Variants in GAP43 observed in about 807,000 individuals in gnomAD.
The protein encoded by GAP43 is neuromodulin.
GAP43 carries 6 observed loss-of-function variants against 18.6 expected under a neutral mutation model. That is an observed-to-expected ratio of 0.32 (90% confidence interval 0.18 to 0.64). The LOEUF is 0.64. Among genes scored for constraint, GAP43 ranks in the 30% least tolerant of loss-of-function variants. The pLI is 0.78. For missense variants in GAP43, 292 were observed against 295.5 expected, an observed-to-expected ratio of 0.99 and a Z score of 0.09; for synonymous variants, 115 against 111.4, an observed-to-expected ratio of 1.03 and a Z score of -0.20.
At chr3:115,680,053 T>TTCCC (rs1708941991) in intron 2 of GAP43, among the ~76,000 whole-genome samples, 2 of 152,178 alleles carry the variant, frequency 1.3e-5, no homozygotes, top group Admixed American at 6.5e-5. Context: ...CCTTCCTTCC[T>TTCCC]CCCTCCTTCC....
At chr3:115,647,761 A>AAC (rs1553720737) in intron 1 of GAP43, among the ~76,000 whole-genome samples, 70 of 145,246 alleles carry the variant, frequency 4.8e-4, no homozygotes, top group Non-Finnish European at 8.0e-4. Flanking sequence ...AAAAAAACAA[A>AAC]AAAAAAAAAC....
At chr3:115,673,795 A>T (rs1708842915) in intron 1 of GAP43, among the ~76,000 whole-genome samples, 1 of 152,194 alleles carries the variant, frequency 6.6e-6, no homozygotes, top group South Asian at 2.1e-4. Context: ...TGGAGGAGGG[A>T]GAAGGATGGG....
chr3:115,661,831 C>CTCTTTTTTTT (rs1708663645), intron 1 of GAP43, among the ~76,000 whole-genome samples: 1 of 105,970 alleles, frequency 9.4e-6, no homozygotes, highest in Non-Finnish European at 1.7e-5. Context: ...GAAACTAGGG[C>CTCTTTTTTTT]TTTTTTTTTT....
At chr3:115,678,142 T>G (rs961454875) in intron 2 of GAP43, among the ~76,000 whole-genome samples, 1 of 152,184 alleles carries the variant, frequency 6.6e-6, no homozygotes, top group Non-Finnish European at 1.5e-5. Flanking sequence ...GGGTTTTAAT[T>G]TACTCAGCAA....
At chr3:115,637,050 C>G (rs950221601) in intron 1 of GAP43, among the ~76,000 whole-genome samples, 1 of 152,064 alleles carries the variant, frequency 6.6e-6, no homozygotes, top group Non-Finnish European at 1.5e-5. Context: ...GGGCCTAGCT[C>G]AATCTTGCCT....
intron 2 of GAP43, among the ~76,000 whole-genome samples, chr3:115,688,746 G>A (rs1709066085): frequency 6.6e-6 from 1 of 152,170 alleles, no homozygotes; most frequent in Non-Finnish European, 1.5e-5. Context: ...AAAAGGGATA[G>A]GTCCCATAAT....
At chr3:115,703,512 AG>A (rs1709323186) in intron 2 of GAP43, among the ~76,000 whole-genome samples, 1 of 152,124 alleles carries the variant, frequency 6.6e-6, no homozygotes, top group Non-Finnish European at 1.5e-5. Flanking sequence ...GGGGTATCAT[AG>A]GGGATTCCTG....
intron 1 of GAP43, among the ~76,000 whole-genome samples, chr3:115,628,010 A>T (rs1708212281): frequency 6.6e-6 from 1 of 152,156 alleles, no homozygotes; most frequent in African/African-American, 2.4e-5. Context: ...ACAAATGAAC[A>T]CTTTGCTTAC....
At chr3:115,660,333 C>T (rs189315108) in intron 1 of GAP43, among the ~76,000 whole-genome samples, 1 of 152,274 alleles carries the variant, frequency 6.6e-6, no homozygotes. Flanking sequence ...ATTCCAGATA[C>T]TAGAATAAGA....
chr3:115,683,084 C>T (rs1346612919), intron 2 of GAP43, among the ~76,000 whole-genome samples: 1 of 151,750 alleles, frequency 6.6e-6, no homozygotes, highest in South Asian at 2.1e-4. Flanking sequence ...GATATTAACA[C>T]ACATTCATAA....
At chr3:115,692,684 G>A (rs555378973) in intron 2 of GAP43, among the ~76,000 whole-genome samples, 7 of 152,182 alleles carry the variant, frequency 4.6e-5, no homozygotes, top group Non-Finnish European at 7.3e-5. Flanking sequence ...GGACCTTGAA[G>A]TGGTCGGAAG....
At chr3:115,656,976 G>A (rs956958037) in intron 1 of GAP43, among the ~76,000 whole-genome samples, 6 of 152,248 alleles carry the variant, frequency 3.9e-5, no homozygotes, top group South Asian at 2.1e-4. Flanking sequence ...ACGTACTTGC[G>A]TATAATTTCC....
intron 1 of GAP43, among the ~76,000 whole-genome samples, chr3:115,625,451 T>C (rs1299916866): frequency 1.3e-5 from 2 of 152,100 alleles, no homozygotes; most frequent in African/African-American, 4.8e-5. Flanking sequence ...TTAAGAACAC[T>C]GTCAAAGAAA....
At chr3:115,698,835 G>T (rs1709258101) in intron 2 of GAP43, among the ~76,000 whole-genome samples, 1 of 152,066 alleles carries the variant, frequency 6.6e-6, no homozygotes, top group Admixed American at 6.6e-5. Flanking sequence ...ATAATGACTT[G>T]GCCCTAAACT....
chr3:115,623,779 C>T (rs1433100785), intron 1 of GAP43, 60 bp downstream of exon 1: 19 of 1,594,130 alleles, frequency 1.2e-5, no homozygotes, highest in Non-Finnish European at 1.5e-5. Context: ...CAGTATTTCC[C>T]CGTAAAGGCA....
chr3:115,631,318 T>C (rs1708258036), intron 1 of GAP43, among the ~76,000 whole-genome samples: 1 of 152,190 alleles, frequency 6.6e-6, no homozygotes, highest in Non-Finnish European at 1.5e-5. Context: ...GTTGGGTAAG[T>C]AATTTAACCT....
At chr3:115,697,188 AC>A in intron 2 of GAP43, among the ~76,000 whole-genome samples, 1 of 75,328 alleles carries the variant, frequency 1.3e-5, no homozygotes, top group Non-Finnish European at 2.5e-5. Flanking sequence ...ATTATACATT[AC>A]ATTTATTTAT....
intron 2 of GAP43, among the ~76,000 whole-genome samples, chr3:115,695,551 T>C (rs1194991046): frequency 6.6e-6 from 1 of 152,182 alleles, no homozygotes; most frequent in Non-Finnish European, 1.5e-5. Context: ...CGTTTATAGA[T>C]GGAGAAATCA....
At chr3:115,714,883 A>T (rs1222814140) in intron 2 of GAP43, among the ~76,000 whole-genome samples, 2 of 151,960 alleles carry the variant, frequency 1.3e-5, no homozygotes, top group Non-Finnish European at 2.9e-5. Context: ...GCACACACAC[A>T]CACACACACA....
Sources: allele counts gnomAD v4.1 joint callset (sites outside exome capture counted in the v4.1 genomes callset), GRCh38; gene constraint gnomAD v4.1.1; transcripts MANE v1.5; gene names NCBI Gene and HGNC (gene_info 2026-07-23, HGNC 2026-07-21).